CFAP74: variants seen among roughly 807,000 people sequenced by gnomAD.
The protein encoded by CFAP74 is cilia and flagella associated protein 74.
In CFAP74, 124 loss-of-function variants were observed where a neutral mutation model predicts 188.9. The ratio of observed to expected loss-of-function variants is 0.66; its 90% CI spans 0.57 to 0.76. The LOEUF is 0.76. CFAP74 is among the 30% of genes least tolerant of loss of function. CFAP74 has a pLI of 0.00. For synonymous variants in CFAP74, 956 were observed against 916.7 expected, an observed-to-expected ratio of 1.04 and a Z score of -0.77; for missense variants, 2,198 against 2,165.2, an observed-to-expected ratio of 1.02 and a Z score of -0.30.
At chr1:1,932,213 G>A (rs529094041) in intron 25 of CFAP74, among the ~76,000 whole-genome samples, 1,789 of 151,786 alleles carry the variant, frequency 0.012, 29 homozygotes, top group African/African-American at 0.041. Context: ...TGGCTAACAT[G>A]GTGAAACCCC....
chr1:1,931,231 C>T (rs1292267787), intron 25 of CFAP74, among the ~76,000 whole-genome samples: 2 of 151,560 alleles, frequency 1.3e-5, no homozygotes, highest in African/African-American at 2.4e-5. Flanking sequence ...AGATCGAGAC[C>T]ATCCCGGCTA....
chr1:1,957,771 GGGC>G lies in CFAP74; in HGVS notation c.1852-990_1852-988del, dbSNP rs372474683. ...AGCCGGAGCCTGGCTGTCTGCGGGGGGGCGGGGGACTTCCTGCTGCCCCTGGCC... is the reference window on the plus strand; with the variant it reads ...AGCCGGAGCCTGGCTGTCTGCGGGGGGGGGGACTTCCTGCTGCCCCTGGCC... On this transcript the variant is annotated intron_variant, in intron 16 of 38. Transcript: ENST00000682832. 1.2e-3 allele frequency among the ~76,000 whole-genome samples: 179 copies of G among 145,262 alleles called. 1 individual carries two copies. The highest frequency in any genetic ancestry group is 3.3e-3 in the African/African-American group (117 of 35,404).
At chr1:1,960,161 C>CCGG in intron 14 of CFAP74, 131 bp from the exon 15 acceptor site, 1 of 735,050 alleles carries the variant, frequency 1.4e-6, no homozygotes, top group Non-Finnish European at 2.2e-6. Context: ...CCTGCCCAGC[C>CCGG]GCCTTCACCC....
rs1187974860 is a variant in CFAP74 at position 1,935,352 on chromosome 1, G to A, written c.3011+3503C>T. On this transcript the variant is annotated intron_variant, in intron 25 of 38. Transcript: ENST00000682832. ...CAGGTGTGTACGTGGGTGTTAGGTT[G>A]TAGGTACACACGTGTGTATGTGGGT... 2.1e-5 allele frequency among the ~76,000 whole-genome samples: 2 copies of A among 93,618 alleles called. 1 individual carries two copies. The highest frequency in any genetic ancestry group is 8.0e-4 in the East Asian group (2 of 2,488). 61.4% of individuals were successfully genotyped at this position (93,618 alleles called of 152,430 possible).
chr1:1,983,715 G>A (rs1657048963), intron 6 of CFAP74: 1 of 152,292 alleles, frequency 6.6e-6, no homozygotes, highest in Non-Finnish European at 1.5e-5. Flanking sequence ...TTGAGACGGA[G>A]TCTCGCTCTG....
chr1:1,987,112 G>T lies in CFAP74; in HGVS notation c.297-77C>A, dbSNP rs1657290857. 4.7e-6 allele frequency: 6 copies of T among 1,274,120 alleles called. No homozygotes were observed. In the Admixed American group the frequency reaches 1.1e-4, roughly 23 times the overall value. 78.9% of individuals were successfully genotyped at this position (1,274,120 alleles called of 1,614,324 possible). ...CAAAGTGACAGTGGGCGTGGCAATG[G>T]GGCCAGGTGAGGCAGAGCCAGACCC... On this transcript the variant is annotated intron_variant, in intron 4 of 38. Coordinates refer to ENST00000682832, the MANE Select transcript of CFAP74 (RefSeq NM_001304360.2).
chr1:1,989,055 T>C (rs1324729980), intron 2 of CFAP74, 82 bp from the exon 3 acceptor site: 2 of 702,978 alleles, frequency 2.8e-6, no homozygotes, highest in African/African-American at 1.8e-5. Context: ...AATCTTTTTC[T>C]TTTTTTGGGA....
intron 34 of CFAP74, among the ~76,000 whole-genome samples, chr1:1,924,153 G>GCTCACCGCCCACCCCCCAC (rs1463990083): frequency 9.7e-5 from 2 of 20,692 alleles, no homozygotes; most frequent in Non-Finnish European, 1.8e-4. Context: ...CACCCCCCCA[G>GCTCACCGCCCACCCCCCAC]CTCACCGCCC....
At chr1:1,983,950 A>C (rs940417640) in intron 6 of CFAP74, 2 of 134,618 alleles carry the variant, frequency 1.5e-5, no homozygotes, top group Non-Finnish European at 3.3e-5. Flanking sequence ...CGGCCTCCCA[A>C]AGTGCTGGGA....
chr1:1,986,240 AG>A (rs1657227742), intron 5 of CFAP74, among the ~76,000 whole-genome samples: 1 of 152,142 alleles, frequency 6.6e-6, no homozygotes, highest in Non-Finnish European at 1.5e-5. Flanking sequence ...AAAAAAAATT[AG>A]CCAGGTGTGG....
chr1:1,987,662 C>A (rs1657323614), intron 4 of CFAP74, among the ~76,000 whole-genome samples: 1 of 152,154 alleles, frequency 6.6e-6, no homozygotes, highest in Non-Finnish European at 1.5e-5. Flanking sequence ...CTGTCTCAGC[C>A]TCCCAAGTGG....
intron 1 of CFAP74, among the ~76,000 whole-genome samples, chr1:1,998,222 G>A (rs1658015640): frequency 6.6e-6 from 1 of 152,148 alleles, no homozygotes; most frequent in South Asian, 2.1e-4. Flanking sequence ...AGGTTGCAGT[G>A]AGCCAAGATC....
chr1:1,940,467 C>T, intron 22 of CFAP74, 64 bp from the exon 23 acceptor site: 2 of 1,127,060 alleles, frequency 1.8e-6, no homozygotes, highest in South Asian at 3.1e-5. Context: ...ACAATAAGAC[C>T]CACTGTCACT....
intron 25 of CFAP74, among the ~76,000 whole-genome samples, chr1:1,935,210 G>C (rs1652797459): frequency 1.3e-5 from 1 of 76,546 alleles, no homozygotes; most frequent in Non-Finnish European, 2.7e-5. Flanking sequence ...CGTGTACGTG[G>C]GTGTTGTAGG....
intron 10 of CFAP74, among the ~76,000 whole-genome samples, 197 bp downstream of exon 10, chr1:1,970,462 C>T (rs1288063388): frequency 6.6e-6 from 1 of 152,198 alleles, no homozygotes; most frequent in African/African-American, 2.4e-5. Flanking sequence ...AGGGGCAGGG[C>T]TGGGCAGGCT....
At chr1:1,991,382 C>T (rs1229676982) in intron 1 of CFAP74, among the ~76,000 whole-genome samples, 1 of 151,676 alleles carries the variant, frequency 6.6e-6, no homozygotes, top group Non-Finnish European at 1.5e-5. Flanking sequence ...AAAGAAACTG[C>T]CCAACAGTAT....
At chr1:1,981,125 G>A (rs1014235799) in intron 6 of CFAP74, among the ~76,000 whole-genome samples, 2 of 152,228 alleles carry the variant, frequency 1.3e-5, no homozygotes, top group African/African-American at 2.4e-5. Context: ...GTGCTATTTC[G>A]TTTCTGTGCT....
rs770020984 is a variant in CFAP74, at chr1:1,973,035, G to A, written c.687C>T (p.Asn229=). Residue 229 remains asparagine (N), a synonymous_variant, in exon 8 of 39, where the codon AAC becomes AAT. Coordinates refer to ENST00000682832, the MANE Select transcript of CFAP74 (RefSeq NM_001304360.2). This position sits in a 1 kb window ranked among gnomAD's most constrained non-coding sequence, Gnocchi z 6.2. ...GCCTGAGCCCGAGCTCCTTCTGGGT[G>A]TTCAGGGACTTCCTGTGGGGATATG... The part of the protein sequence containing the change: ...NRLLRIRKSL[N]TQKELGLRHQ... 3 of 1,613,516 alleles carry A rather than the reference G, an allele frequency of 1.9e-6. No individual in the cohort carries two copies. Among genetic ancestry groups the A allele is most frequent in the South Asian group, 1.1e-5 (1 of 91,016 alleles).
At chr1:1,972,484 A>G (rs1656158022) in intron 8 of CFAP74, among the ~76,000 whole-genome samples, 1 of 152,264 alleles carries the variant, frequency 6.6e-6, no homozygotes. Context: ...CTCTTCTGAA[A>G]AGAAACAGTA....
Sources: allele counts gnomAD v4.1 joint callset (sites outside exome capture counted in the v4.1 genomes callset), GRCh38; gene constraint gnomAD v4.1.1; non-coding constraint Gnocchi (gnomAD v3.1); transcripts MANE v1.5; gene names NCBI Gene and HGNC (gene_info 2026-07-23, HGNC 2026-07-21).